Variants in RGS7 observed in about 807,000 individuals in gnomAD.
RGS7 encodes the protein regulator of G protein signaling 7, also known as regulator of G-protein signaling 7.
In RGS7, 27 loss-of-function variants were observed where a neutral mutation model predicts 81.1. The ratio of observed to expected loss-of-function variants is 0.33; its 90% CI spans 0.25 to 0.46. The LOEUF (loss-of-function observed/expected upper bound fraction) is 0.46. Ranked by LOEUF, RGS7 falls within the 20% of genes least tolerant of loss-of-function variation. The pLI, the probability that RGS7 is intolerant of heterozygous loss-of-function variation, is 1.00. For missense variants in RGS7, 396 were observed against 607.4 expected, an observed-to-expected ratio of 0.65 and a Z score of 3.66; for synonymous variants, 208 against 207.7, an observed-to-expected ratio of 1.00 and a Z score of -0.01.
chr1:241,014,236 C>T (rs1209267890), intron 3 of RGS7, among the ~76,000 whole-genome samples: 2 of 152,142 alleles, frequency 1.3e-5, no homozygotes, highest in Non-Finnish European at 2.9e-5. Flanking sequence ...TCTTGAAATG[C>T]AAAGACTAGA....
intron 2 of RGS7, among the ~76,000 whole-genome samples, chr1:241,148,579 A>T (rs1434274675): frequency 6.6e-6 from 1 of 152,238 alleles, no homozygotes; most frequent in Non-Finnish European, 1.5e-5. Flanking sequence ...AATAATGATC[A>T]TAATGCTAAA....
At chr1:241,258,913 C>A (rs1237300730) in intron 2 of RGS7, among the ~76,000 whole-genome samples, 1 of 152,166 alleles carries the variant, frequency 6.6e-6, no homozygotes, top group African/African-American at 2.4e-5. Context: ...AAAAGTTACA[C>A]CTTTGCTTTT....
intron 3 of RGS7, among the ~76,000 whole-genome samples, chr1:241,046,210 G>A (rs1382216063): frequency 6.6e-6 from 1 of 152,030 alleles, no homozygotes; most frequent in Non-Finnish European, 1.5e-5. Flanking sequence ...TTTGTTACGT[G>A]GGTATATTGC....
chr1:240,942,439 C>T (rs1049106134), intron 4 of RGS7, among the ~76,000 whole-genome samples: 8 of 152,110 alleles, frequency 5.3e-5, no homozygotes, highest in East Asian at 3.8e-4. Context: ...AATTTTGCAA[C>T]GATTAATAAA....
chr1:241,078,325 G>GTGTGTGTA (rs2062937532), intron 3 of RGS7, among the ~76,000 whole-genome samples: 1 of 148,300 alleles, frequency 6.7e-6, no homozygotes, highest in Non-Finnish European at 1.5e-5. Context: ...GTGTGTGTGT[G>GTGTGTGTA]TGTGTGTGTG....
intron 2 of RGS7, among the ~76,000 whole-genome samples, chr1:241,324,589 T>C (rs1045476552): frequency 2.0e-5 from 3 of 152,228 alleles, no homozygotes; most frequent in Non-Finnish European, 4.4e-5. Context: ...TTAAATACTC[T>C]TCTGGAACAC....
At chr1:240,916,427 A>G (rs1672637476) in intron 6 of RGS7, among the ~76,000 whole-genome samples, 1 of 152,220 alleles carries the variant, frequency 6.6e-6, no homozygotes, top group Non-Finnish European at 1.5e-5. Context: ...TGAAGCAATA[A>G]TAACTGAGAT....
intron 2 of RGS7, among the ~76,000 whole-genome samples, chr1:241,287,074 G>T (rs556555201): frequency 6.6e-6 from 1 of 152,204 alleles, no homozygotes; most frequent in African/African-American, 2.4e-5. Context: ...ATTCTAAACT[G>T]ATCAATGCTG....
chr1:241,350,149 T>C (rs1173648637), intron 2 of RGS7, among the ~76,000 whole-genome samples: 1 of 152,204 alleles, frequency 6.6e-6, no homozygotes, highest in Non-Finnish European at 1.5e-5. Flanking sequence ...TCTCCTGCTC[T>C]AAACTCAATT....
intron 2 of RGS7, among the ~76,000 whole-genome samples, chr1:241,296,731 T>G (rs1029624318): frequency 2.0e-5 from 3 of 152,212 alleles, no homozygotes; most frequent in African/African-American, 7.2e-5. Context: ...GAAGTTGTTC[T>G]TTCAGACACT....
chr1:241,152,746 G>T (rs1025781858), intron 2 of RGS7, among the ~76,000 whole-genome samples: 11 of 152,328 alleles, frequency 7.2e-5, no homozygotes, highest in African/African-American at 2.6e-4. Flanking sequence ...ATGTGTGGGT[G>T]TGAGTATACT....
At chr1:240,844,124 T>C (rs986676809) in intron 9 of RGS7, among the ~76,000 whole-genome samples, 7 of 152,202 alleles carry the variant, frequency 4.6e-5, no homozygotes, top group African/African-American at 1.7e-4. Flanking sequence ...AGAACTCCCA[T>C]AGACTCTTTA....
intron 2 of RGS7, among the ~76,000 whole-genome samples, chr1:241,307,220 G>C (rs921840649): frequency 6.6e-6 from 1 of 152,134 alleles, no homozygotes; most frequent in Admixed American, 6.5e-5. Context: ...AATACTATGA[G>C]TGGGCCCTGA....
chr1:240,940,924 T>C (rs1205147607), intron 4 of RGS7, among the ~76,000 whole-genome samples: 1 of 152,244 alleles, frequency 6.6e-6, no homozygotes, highest in Non-Finnish European at 1.5e-5. Flanking sequence ...CATGTAATAC[T>C]ACCATAATTA....
chr1:240,891,918 C>T (rs1011499731), intron 6 of RGS7, among the ~76,000 whole-genome samples: 5 of 152,044 alleles, frequency 3.3e-5, no homozygotes, highest in South Asian at 2.1e-4. Flanking sequence ...AAAGGGTTGG[C>T]GAAAGTTTTC....
intron 2 of RGS7, among the ~76,000 whole-genome samples, chr1:241,198,679 C>T (rs567731559): frequency 6.6e-6 from 1 of 152,210 alleles, no homozygotes; most frequent in Admixed American, 6.5e-5. Flanking sequence ...AAAGAAAATA[C>T]ATTTATAATT....
At position 240,868,368 on chromosome 1, in the gene RGS7, TATC is replaced by T. The variant is rs1199626089; in HGVS notation, c.609+216_609+218del. ...AAATAGCAAGAGAGTAAGCAAGCGA[TATC>T]ATGGTGGGAAAATGCATGGTTTTAT... On this transcript the variant is annotated intron_variant, in intron 9 of 18. Coordinates refer to ENST00000440928, the MANE Select transcript of RGS7 (RefSeq NM_001364886.1). The surrounding 1 kb of genome is among the most constrained non-coding windows in gnomAD (Gnocchi z 5.1). Among the ~76,000 whole-genome samples, 1 of 152,170 alleles carries T rather than the reference TATC, an allele frequency of 6.6e-6. No homozygotes were observed. The highest frequency in any genetic ancestry group is 1.5e-5 in the Non-Finnish European group (1 of 68,032).
At chr1:240,923,406 C>G (rs1474687959) in intron 6 of RGS7, among the ~76,000 whole-genome samples, 3 of 151,924 alleles carry the variant, frequency 2.0e-5, no homozygotes, top group African/African-American at 7.2e-5. Flanking sequence ...TATAGGGGAA[C>G]GTATAGGTGG....
intron 3 of RGS7, among the ~76,000 whole-genome samples, chr1:240,993,560 T>G (rs2148599937): frequency 6.6e-6 from 1 of 152,296 alleles, no homozygotes; most frequent in South Asian, 2.1e-4. Flanking sequence ...TAATTAATTT[T>G]TTTTGCTATT....
Sources: allele counts gnomAD v4.1 joint callset (sites outside exome capture counted in the v4.1 genomes callset), GRCh38; gene constraint gnomAD v4.1.1; non-coding constraint Gnocchi (gnomAD v3.1); transcripts MANE v1.5; gene names NCBI Gene and HGNC (gene_info 2026-07-23, HGNC 2026-07-21).